Variants in SCN2A observed in about 807,000 individuals in gnomAD.
The protein encoded by SCN2A is sodium channel protein type 2 subunit alpha.
In SCN2A, 20 loss-of-function variants were observed where a neutral mutation model predicts 188.7. That is an observed-to-expected ratio of 0.11 (90% confidence interval 0.07 to 0.15). SCN2A has a LOEUF of 0.15. Among genes scored for constraint, SCN2A ranks in the 10% least tolerant of loss-of-function variants. The probability of loss-of-function intolerance (pLI) is 1.00; values close to 1 mark genes in which losing one functional copy is unlikely to be tolerated. For missense variants in SCN2A, 1,278 were observed against 2,445.0 expected, an observed-to-expected ratio of 0.52 and a Z score of 10.07; for synonymous variants, 804 against 833.1, an observed-to-expected ratio of 0.97 and a Z score of 0.60.
In SCN2A at chr2:165,390,038, A is replaced by G. The variant is rs1196759264; in HGVS notation, c.*214A>G. ...GAAATAGTATCGATGGGAGGTTTCT[A>G]TTTTCACAACCAGCTGACACTGCTG... On this transcript the variant is annotated 3_prime_UTR_variant, in exon 27 of 27. Transcript: ENST00000375437. The G allele has an allele frequency of 1.3e-5, 9 of 699,638 alleles. No homozygotes were observed. Among genetic ancestry groups the G allele is most frequent in the Non-Finnish European group, 2.0e-5 (9 of 448,174 alleles). 43.3% of individuals were successfully genotyped at this position (699,638 alleles called of 1,614,324 possible).
chr2:165,336,406 AG>A (rs1483545439), intron 14 of SCN2A, among the ~76,000 whole-genome samples: 2 of 152,032 alleles, frequency 1.3e-5, no homozygotes, highest in African/African-American at 4.8e-5. Context: ...TCCATAAAAA[AG>A]AATGAAGTAT....
At chr2:165,338,261 C>CTTTTTTTT (rs71028478) in intron 14 of SCN2A, among the ~76,000 whole-genome samples, 3 of 139,272 alleles carry the variant, frequency 2.2e-5, no homozygotes, top group Non-Finnish European at 3.1e-5. Flanking sequence ...AAGATTTGAA[C>CTTTTTTTT]TTTTTTTTTT....
chr2:165,361,421 G>C (rs538385371), intron 17 of SCN2A, among the ~76,000 whole-genome samples: 64 of 152,046 alleles, frequency 4.2e-4, no homozygotes, highest in Non-Finnish European at 6.5e-4. Flanking sequence ...GATAAACATT[G>C]GGTTTACTTT....
At chr2:165,347,142 C>T (rs531228914) in intron 16 of SCN2A, among the ~76,000 whole-genome samples, 41 of 152,254 alleles carry the variant, frequency 2.7e-4, no homozygotes, top group Admixed American at 1.9e-3. Context: ...TGCATGCACA[C>T]GTATGCTTAT....
intron 16 of SCN2A, among the ~76,000 whole-genome samples, chr2:165,345,464 A>G (rs1699526754): frequency 6.6e-6 from 1 of 151,918 alleles, no homozygotes. Flanking sequence ...TTTTACCATT[A>G]TGTAGTGTCT....
chr2:165,363,526 T>C (rs1366868463), intron 17 of SCN2A, among the ~76,000 whole-genome samples: 1 of 146,810 alleles, frequency 6.8e-6, no homozygotes, highest in African/African-American at 2.5e-5. Context: ...TTCGTGTGAA[T>C]TAGATATATT....
chr2:165,339,434 A>G (rs1699190196), intron 14 of SCN2A, among the ~76,000 whole-genome samples: 1 of 152,074 alleles, frequency 6.6e-6, no homozygotes, highest in Non-Finnish European at 1.5e-5. Context: ...CAAAACAAAT[A>G]AAATGCATAA....
chr2:165,272,704 C>A (rs1475711151), intron 1 of SCN2A: 1 of 151,638 alleles, frequency 6.6e-6, no homozygotes, highest in African/African-American at 2.4e-5. Context: ...GAAAAGGCCC[C>A]TTTTTACAAA....
At chr2:165,264,971 T>C (rs1055701846) in intron 1 of SCN2A, among the ~76,000 whole-genome samples, 3 of 152,138 alleles carry the variant, frequency 2.0e-5, no homozygotes, top group African/African-American at 4.8e-5. Flanking sequence ...TTTATATTCC[T>C]TTGGGTATAT....
chr2:165,239,596 C>T lies in SCN2A; in HGVS notation c.-96C>T. On this transcript the variant is annotated 5_prime_UTR_variant, in exon 1 of 27. Transcript: ENST00000375437. ...GCATTGGAGACTGTTATATTCAACA[C>T]ATACGTGGATTCTGTGTTATGATTT... is the stretch of plus-strand genomic sequence containing the variant. 1.0e-6 allele frequency: 1 copy of T among 981,716 alleles called. No homozygotes were observed. Among genetic ancestry groups the T allele is most frequent in the African/African-American group, 1.7e-5 (1 of 57,274 alleles). 60.8% of individuals were successfully genotyped at this position (981,716 alleles called of 1,614,324 possible).
At chr2:165,343,439 T>TA (rs550172842) in intron 15 of SCN2A, among the ~76,000 whole-genome samples, 1 of 152,254 alleles carries the variant, frequency 6.6e-6, no homozygotes, top group African/African-American at 2.4e-5. Flanking sequence ...GGCAAGAACT[T>TA]AAAAAAATAT....
intron 13 of SCN2A, 102 bp from the exon 14 acceptor site, chr2:165,331,227 CT>C (rs1698656156): frequency 1.1e-6 from 1 of 932,272 alleles, no homozygotes; most frequent in African/African-American, 1.6e-5. Context: ...CCCATAATAT[CT>C]TTTAACAACT....
chr2:165,316,958 T>C (rs538499554), intron 11 of SCN2A, among the ~76,000 whole-genome samples: 1 of 152,182 alleles, frequency 6.6e-6, no homozygotes. Context: ...AACCTTAAAG[T>C]TTCCACTTTA....
intron 16 of SCN2A, among the ~76,000 whole-genome samples, chr2:165,352,168 A>T (rs532830739): frequency 1.3e-5 from 2 of 152,160 alleles, no homozygotes; most frequent in South Asian, 4.1e-4. Flanking sequence ...TTTACATGCA[A>T]TTTTTTCTTC....
intron 13 of SCN2A, chr2:165,327,828 T>C (rs1698442060): frequency 6.6e-6 from 1 of 152,252 alleles, no homozygotes; most frequent in South Asian, 2.1e-4. Context: ...TGCCTTTCCA[T>C]ACTGTAAGTG....
At chr2:165,266,177 G>T (rs1694853105) in intron 1 of SCN2A, among the ~76,000 whole-genome samples, 1 of 151,752 alleles carries the variant, frequency 6.6e-6, no homozygotes, top group Non-Finnish European at 1.5e-5. Context: ...ATTACCAAAG[G>T]CTATGCTTAT....
Position 165,324,398 on chromosome 2 carries a change from G to A in SCN2A, c.2016+898G>A, listed in dbSNP as rs186717322. ...CTTTGAGCCACATTAAAATGATACG[G>A]AGTTCGTTTTCAGTTACCTAATGGA... On this transcript the variant is annotated intron_variant, in intron 12 of 26. Transcript: ENST00000375437. Among the ~76,000 whole-genome samples the A allele has an allele frequency of 9.9e-5, 15 of 152,152 alleles. No individual in the cohort carries two copies. The East Asian group carries it at 2.9e-3, about 29-fold the overall frequency.
intron 10 of SCN2A, among the ~76,000 whole-genome samples, chr2:165,315,176 G>A (rs1326451349): frequency 6.6e-6 from 1 of 152,020 alleles, no homozygotes; most frequent in Non-Finnish European, 1.5e-5. Context: ...TTGAATTATA[G>A]AACATGTTAT....
intron 14 of SCN2A, among the ~76,000 whole-genome samples, chr2:165,336,432 A>G (rs1698995933): frequency 6.6e-6 from 1 of 152,010 alleles, no homozygotes; most frequent in South Asian, 2.1e-4. Flanking sequence ...ACAATCTACA[A>G]CATGAATAAA....
Sources: gnomAD v4.1 joint callset for allele counts (sites outside exome capture counted in the v4.1 genomes callset) on GRCh38, gnomAD v4.1.1 for gene constraint, MANE v1.5 for transcripts, NCBI Gene and HGNC (gene_info 2026-07-23, HGNC 2026-07-21) for gene names.